RIMS2: variants seen among roughly 807,000 people sequenced by gnomAD.
RIMS2 encodes the protein regulating synaptic membrane exocytosis 2.
RIMS2 carries 59 observed loss-of-function variants against 174.4 expected under a neutral mutation model. The ratio of observed to expected loss-of-function variants is 0.34; its 90% CI spans 0.27 to 0.42. The LOEUF (loss-of-function observed/expected upper bound fraction) is 0.42. Among genes scored for constraint, RIMS2 ranks in the 10% least tolerant of loss-of-function variants. RIMS2 has a pLI of 1.00. For synonymous variants in RIMS2, 606 were observed against 572.5 expected (o/e 1.06, Z -0.84); for missense variants, 1,620 against 1,666.3 (o/e 0.97, Z 0.48).
intron 1 of RIMS2, among the ~76,000 whole-genome samples, chr8:103,590,876 T>C (rs1313534877): frequency 6.6e-6 from 1 of 151,194 alleles, no homozygotes; most frequent in East Asian, 1.9e-4. Context: ...TTTGTAGACA[T>C]ATGTTTTCAT....
At chr8:104,001,402 A>AT (rs2095382292) in intron 17 of RIMS2, among the ~76,000 whole-genome samples, 1 of 151,968 alleles carries the variant, frequency 6.6e-6, no homozygotes, top group African/African-American at 2.4e-5. Flanking sequence ...ATTAGCTTTC[A>AT]TTCCAATTTT....
At chr8:103,674,016 C>T (rs993642305) in intron 1 of RIMS2, among the ~76,000 whole-genome samples, 4 of 152,248 alleles carry the variant, frequency 2.6e-5, no homozygotes, top group African/African-American at 9.6e-5. Flanking sequence ...TAGGTCATCA[C>T]TCTGAAGTTC....
At chr8:103,798,650 T>C (rs1251169880) in intron 3 of RIMS2, among the ~76,000 whole-genome samples, 1 of 152,174 alleles carries the variant, frequency 6.6e-6, no homozygotes, top group Non-Finnish European at 1.5e-5. Context: ...AGAAAGGATA[T>C]GGTGCTTTAG....
intron 19 of RIMS2, among the ~76,000 whole-genome samples, chr8:104,037,089 A>C (rs181457442): frequency 6.6e-6 from 1 of 152,224 alleles, no homozygotes; most frequent in Admixed American, 6.5e-5. Context: ...TGGATTGAGA[A>C]ATTTTTCAAA....
chr8:103,914,066 A>G (rs2076229408), intron 6 of RIMS2, among the ~76,000 whole-genome samples: 1 of 152,154 alleles, frequency 6.6e-6, no homozygotes, highest in African/African-American at 2.4e-5. Flanking sequence ...TGTTTAACTT[A>G]CCCATGGTCA....
At chr8:104,079,133 T>C (rs777061024) in intron 19 of RIMS2, among the ~76,000 whole-genome samples, 2 of 152,056 alleles carry the variant, frequency 1.3e-5, no homozygotes, top group Non-Finnish European at 2.9e-5. Context: ...CAGCAACTTG[T>C]ATATTATAGA....
chr8:103,819,034 A>G (rs999710392), intron 3 of RIMS2, among the ~76,000 whole-genome samples: 2 of 152,186 alleles, frequency 1.3e-5, no homozygotes, highest in African/African-American at 2.4e-5. Flanking sequence ...GGGGAAATGC[A>G]TAATTTCTCT....
At chr8:103,568,354 G>A (rs2092542062) in intron 1 of RIMS2, among the ~76,000 whole-genome samples, 2 of 152,088 alleles carry the variant, frequency 1.3e-5, no homozygotes. Context: ...TTCAGAGATG[G>A]TTTAATCACA....
intron 1 of RIMS2, among the ~76,000 whole-genome samples, chr8:103,518,905 G>A (rs962339466): frequency 1.3e-5 from 2 of 152,068 alleles, no homozygotes; most frequent in Non-Finnish European, 2.9e-5. Flanking sequence ...TTGCTGCAGA[G>A]TATCTTCTTA....
chr8:103,674,763 C>T (rs2096786768), intron 1 of RIMS2, among the ~76,000 whole-genome samples: 1 of 152,018 alleles, frequency 6.6e-6, no homozygotes. Context: ...TGTTTTATAT[C>T]AGCATTTGCT....
chr8:103,561,234 C>T (rs1243505296), intron 1 of RIMS2, among the ~76,000 whole-genome samples: 1 of 151,876 alleles, frequency 6.6e-6, no homozygotes, highest in South Asian at 2.1e-4. Flanking sequence ...TAACAAAGAG[C>T]AATTTTTATA....
intron 19 of RIMS2, among the ~76,000 whole-genome samples, chr8:104,160,221 A>C (rs1015838499): frequency 3.3e-5 from 5 of 152,168 alleles, no homozygotes; most frequent in African/African-American, 1.2e-4. Context: ...TCAGACTATA[A>C]ATTTCTTGAG....
At chr8:104,059,964 C>G (rs1442384685) in intron 19 of RIMS2, among the ~76,000 whole-genome samples, 1 of 151,924 alleles carries the variant, frequency 6.6e-6, no homozygotes, top group Admixed American at 6.6e-5. Context: ...CTGCTGGATT[C>G]GTTTTGCCAG....
At chr8:104,041,885 A>G (rs2096615416) in intron 19 of RIMS2, among the ~76,000 whole-genome samples, 1 of 151,628 alleles carries the variant, frequency 6.6e-6, no homozygotes, top group South Asian at 2.1e-4. Flanking sequence ...TATTCTGACA[A>G]TATATTCTAC....
chr8:104,148,995 G>A, intron 19 of RIMS2, 147 bp downstream of exon 25: 1 of 796,496 alleles, frequency 1.3e-6, no homozygotes, highest in Non-Finnish European at 2.0e-6. Flanking sequence ...TAACCTTTCT[G>A]AAATCAACAA....
intron 3 of RIMS2, among the ~76,000 whole-genome samples, chr8:103,837,867 G>T (rs1008424950): frequency 6.6e-6 from 1 of 151,898 alleles, no homozygotes; most frequent in Non-Finnish European, 1.5e-5. Flanking sequence ...AATCCTTTGG[G>T]TATATACCCA....
intron 19 of RIMS2, among the ~76,000 whole-genome samples, chr8:104,207,828 A>G (rs2099087641): frequency 6.7e-6 from 1 of 149,296 alleles, no homozygotes; most frequent in South Asian, 2.1e-4. Flanking sequence ...AAATATATAT[A>G]TATGTATATA....
intron 1 of RIMS2, among the ~76,000 whole-genome samples, chr8:103,680,901 A>G (rs75648854): frequency 0.12 from 18,910 of 152,038 alleles, 1,271 homozygotes; most frequent in Middle Eastern, 0.22. Flanking sequence ...AACAGGGTTA[A>G]TCCATTTGGA....
chr8:103,549,058 T>C (rs1185917388), intron 1 of RIMS2, among the ~76,000 whole-genome samples: 5 of 151,676 alleles, frequency 3.3e-5, no homozygotes, highest in African/African-American at 1.2e-4. Context: ...TGCTGATGGA[T>C]AGGAGAATCA....
Sources: gnomAD v4.1 joint callset for allele counts (sites outside exome capture counted in the v4.1 genomes callset) on GRCh38, gnomAD v4.1.1 for gene constraint, MANE v1.5 for transcripts, NCBI Gene and HGNC (gene_info 2026-07-23, HGNC 2026-07-21) for gene names.